Variants in ZNF277 observed in about 807,000 individuals in gnomAD.
ZNF277 encodes nuclear receptor-interacting factor 4.
A neutral mutation model predicts 60.7 loss-of-function variants in ZNF277; 55 were observed. That is an observed-to-expected ratio of 0.91 (90% confidence interval 0.73 to 1.13). ZNF277 has a LOEUF of 1.13. Among genes scored for constraint, ZNF277 ranks in the 50% most tolerant of loss-of-function variants. ZNF277 has a pLI of 0.00. For synonymous variants in ZNF277, 178 were observed against 179.3 expected (o/e 0.99, Z 0.06); for missense variants, 510 against 523.0 (o/e 0.98, Z 0.24).
At chr7:112,308,335 C>T (rs1396909865) in intron 4 of ZNF277, among the ~76,000 whole-genome samples, 1 of 151,644 alleles carries the variant, frequency 6.6e-6, no homozygotes, top group African/African-American at 2.4e-5. Context: ...ACCAACATAG[C>T]GAAACCCCTT....
chr7:112,296,380 G>GC, intron 4 of ZNF277, 69 bp downstream of exon 4: 1 of 547,246 alleles, frequency 1.8e-6, no homozygotes. Context: ...AATCATATTG[G>GC]TTTTTTTTTT....
chr7:112,209,923 C>A (rs2116943585), intron 1 of ZNF277, among the ~76,000 whole-genome samples: 1 of 152,142 alleles, frequency 6.6e-6, no homozygotes, highest in East Asian at 1.9e-4. Context: ...CACATGTTCT[C>A]ACTTATAGGT....
chr7:112,283,906 G>T (rs6966694), intron 1 of ZNF277, among the ~76,000 whole-genome samples: 59,161 of 151,980 alleles, frequency 0.39, 14,967 homozygotes, highest in African/African-American at 0.72. Context: ...TACATATAAA[G>T]ACAAAGTAGC....
intron 1 of ZNF277, among the ~76,000 whole-genome samples, chr7:112,253,240 T>C (rs1323879100): frequency 1.3e-5 from 2 of 152,186 alleles, no homozygotes; most frequent in Non-Finnish European, 2.9e-5. Flanking sequence ...TTTAAGAATT[T>C]TCCTGTTAGA....
In ZNF277 at chr7:112,286,845, T is replaced by TTTTTTC; in HGVS notation, c.92-23_92-22insCTTTTT. ...GGTTTCAGCTTTTCTTTCTTTCTTT[T>TTTTTTC]TTTTTTTTTTTTTTTGGTCTATTCC... On this transcript the variant is annotated intron_variant, in intron 1 of 11. Transcript: ENST00000361822. The TTTTTTC allele has an allele frequency of 4.2e-6, 4 of 958,972 alleles. No individual in the cohort carries two copies. The African/African-American group carries it at 5.3e-5, about 13-fold the overall frequency. The allele number at this position is 958,972 out of a possible 1,614,324, so 59.4% of individuals were successfully genotyped here.
intron 4 of ZNF277, among the ~76,000 whole-genome samples, chr7:112,300,385 C>T (rs1792447288): frequency 6.6e-6 from 1 of 152,188 alleles, no homozygotes; most frequent in Admixed American, 6.5e-5. Context: ...CTTTAGCTTC[C>T]TTTAAAAATT....
At chr7:112,296,887 A>ATTTT (rs1210305120) in intron 4 of ZNF277, among the ~76,000 whole-genome samples, 1 of 55,266 alleles carries the variant, frequency 1.8e-5, no homozygotes, top group Non-Finnish European at 4.2e-5. Context: ...TCTTATTTTT[A>ATTTT]TTTTATTTAT....
At chr7:112,338,024 T>A (rs1024987361) in intron 9 of ZNF277, among the ~76,000 whole-genome samples, 198 bp downstream of exon 9, 1 of 152,196 alleles carries the variant, frequency 6.6e-6, no homozygotes, top group African/African-American at 2.4e-5. Flanking sequence ...AGCTGTTTGT[T>A]AGTGTGAGAT....
chr7:112,234,664 G>A (rs1822438548), intron 1 of ZNF277, among the ~76,000 whole-genome samples: 1 of 152,060 alleles, frequency 6.6e-6, no homozygotes. Context: ...TGAGAATGCA[G>A]CATATTACCA....
intron 1 of ZNF277, among the ~76,000 whole-genome samples, chr7:112,236,611 G>A (rs77385299): frequency 0.014 from 2,094 of 152,132 alleles, 53 homozygotes; most frequent in African/African-American, 0.047. Flanking sequence ...GTTTTAAAAT[G>A]GAAAACTAGA....
chr7:112,277,294 A>G (rs1038914534), intron 1 of ZNF277, among the ~76,000 whole-genome samples: 4 of 151,982 alleles, frequency 2.6e-5, no homozygotes, highest in Middle Eastern at 6.3e-3. Context: ...ATGTTAGCCA[A>G]GATGGTCTCG....
At chr7:112,272,589 A>G (rs1034866781) in intron 1 of ZNF277, among the ~76,000 whole-genome samples, 4 of 152,062 alleles carry the variant, frequency 2.6e-5, no homozygotes, top group African/African-American at 7.2e-5. Flanking sequence ...TGCCTCCCAG[A>G]TTCAAACGAT....
At chr7:112,336,237 T>A in intron 8 of ZNF277, 66 bp downstream of exon 8, 1 of 1,416,544 alleles carries the variant, frequency 7.1e-7, no homozygotes, top group Non-Finnish European at 9.6e-7. Context: ...TGCTTTAGTT[T>A]GGTTTAAATT....
At chr7:112,225,963 A>G (rs1174235739) in intron 1 of ZNF277, among the ~76,000 whole-genome samples, 1 of 152,192 alleles carries the variant, frequency 6.6e-6, no homozygotes, top group East Asian at 1.9e-4. Flanking sequence ...TTAGGACTTT[A>G]GTGTGCTAAT....
chr7:112,215,836 A>G (rs557508171), intron 1 of ZNF277, among the ~76,000 whole-genome samples: 7 of 152,304 alleles, frequency 4.6e-5, no homozygotes, highest in African/African-American at 1.7e-4. Flanking sequence ...TTTTTTTACT[A>G]GTAAAGATCT....
At chr7:112,282,159 A>G (rs1447415654) in intron 1 of ZNF277, among the ~76,000 whole-genome samples, 2 of 152,212 alleles carry the variant, frequency 1.3e-5, no homozygotes, top group Admixed American at 1.3e-4. Context: ...TTAGTCCTTG[A>G]CCTTAAGGAG....
At chr7:112,269,193 T>C (rs1791612029) in intron 1 of ZNF277, among the ~76,000 whole-genome samples, 1 of 132,956 alleles carries the variant, frequency 7.5e-6, no homozygotes, top group African/African-American at 3.0e-5. Context: ...AATTTTAAAA[T>C]ACAATGGATT....
chr7:112,208,150 G>A (rs575684340), intron 1 of ZNF277, among the ~76,000 whole-genome samples: 2 of 152,302 alleles, frequency 1.3e-5, no homozygotes, highest in East Asian at 1.9e-4. Flanking sequence ...GCCGAGGCGA[G>A]TGGATCACAA....
At chr7:112,323,028 T>A (rs1793019329) in intron 5 of ZNF277, among the ~76,000 whole-genome samples, 1 of 150,950 alleles carries the variant, frequency 6.6e-6, no homozygotes, top group South Asian at 2.1e-4. Flanking sequence ...CTTGAACCAC[T>A]GTATCTTCTG....
Sources: gnomAD v4.1 joint callset for allele counts (sites outside exome capture counted in the v4.1 genomes callset) on GRCh38, gnomAD v4.1.1 for gene constraint, MANE v1.5 for transcripts, NCBI Gene and HGNC (gene_info 2026-07-23, HGNC 2026-07-21) for gene names.